Variants in RANBP3L observed in about 807,000 individuals in gnomAD.
The protein encoded by RANBP3L is RAN binding protein 3 like.
A neutral mutation model predicts 67.2 loss-of-function variants in RANBP3L; 56 were observed. The ratio of observed to expected loss-of-function variants is 0.83; its 90% CI spans 0.67 to 1.04. The LOEUF is 1.04. RANBP3L is among the 50% of genes least tolerant of loss of function. RANBP3L has a pLI of 0.00. For synonymous variants in RANBP3L, 164 were observed against 181.4 expected, an observed-to-expected ratio of 0.90 and a Z score of 0.77; for missense variants, 496 against 535.5, an observed-to-expected ratio of 0.93 and a Z score of 0.73.
intron 1 of RANBP3L, among the ~76,000 whole-genome samples, chr5:36,279,094 G>A (rs977603580): frequency 6.6e-6 from 1 of 152,096 alleles, no homozygotes; most frequent in Admixed American, 6.6e-5. Flanking sequence ...ACAAATCATA[G>A]CAGGGGATCT....
chr5:36,263,044 A>G (rs1204492224), intron 6 of RANBP3L, among the ~76,000 whole-genome samples: 2 of 152,218 alleles, frequency 1.3e-5, no homozygotes, highest in Non-Finnish European at 2.9e-5. Context: ...TGGTTCTACA[A>G]AATCCACCTA....
intron 9 of RANBP3L, 113 bp from the exon 10 acceptor site, chr5:36,257,184 A>T: frequency 1.2e-6 from 1 of 859,948 alleles, no homozygotes; most frequent in Non-Finnish European, 1.7e-6. Context: ...GTAGTAAGTG[A>T]TTCTAAAAAT....
chr5:36,295,904 C>T (rs1021173863), intron 1 of RANBP3L, among the ~76,000 whole-genome samples: 1 of 152,082 alleles, frequency 6.6e-6, no homozygotes, highest in African/African-American at 2.4e-5. Context: ...CCCCATTCCC[C>T]TAACTTCCTA....
At chr5:36,287,838 C>T (rs963212754) in intron 1 of RANBP3L, among the ~76,000 whole-genome samples, 10 of 152,134 alleles carry the variant, frequency 6.6e-5, no homozygotes, top group African/African-American at 2.4e-4. Flanking sequence ...TAAAGTTATA[C>T]TAACATTTTC....
chr5:36,299,364 T>C (rs1489275204), intron 1 of RANBP3L, among the ~76,000 whole-genome samples: 4 of 134,272 alleles, frequency 3.0e-5, no homozygotes, highest in Non-Finnish European at 6.0e-5. Context: ...TGTGTGTGTG[T>C]GTATATATCC....
At chr5:36,297,754 C>T (rs1297519086) in intron 1 of RANBP3L, among the ~76,000 whole-genome samples, 1 of 152,148 alleles carries the variant, frequency 6.6e-6, no homozygotes, top group Non-Finnish European at 1.5e-5. Context: ...GCCTCCTGGA[C>T]TTGTGTTCTG....
At chr5:36,253,308 A>G (rs1433534187) in intron 12 of RANBP3L, among the ~76,000 whole-genome samples, 1 of 152,086 alleles carries the variant, frequency 6.6e-6, no homozygotes, top group East Asian at 1.9e-4. Context: ...ATTAGGCTTC[A>G]AAGTCTGCTA....
chr5:36,249,057 CAA>C lies in RANBP3L; in HGVS notation c.*595_*596del, dbSNP rs2111565664. On this transcript the variant is annotated 3_prime_UTR_variant, in exon 14 of 14. Coordinates refer to ENST00000296604, the MANE Select transcript of RANBP3L (RefSeq NM_145000.5). ...CAACTATTGGATGCTGACCATGAGT[CAA>C]ACATTGACAAGATGCAACAGATACA... 1 of 152,102 alleles carries C rather than the reference CAA, an allele frequency of 6.6e-6. No homozygotes were observed. Among genetic ancestry groups the C allele is most frequent in the African/African-American group, 2.4e-5 (1 of 41,526 alleles). 9.4% of individuals were successfully genotyped at this position (152,102 alleles called of 1,614,324 possible).
chr5:36,255,556 G>T lies in RANBP3L; in HGVS notation c.938C>A (p.Thr313Lys). 6.2e-7 allele frequency: 1 copy of T among 1,610,208 alleles called. No homozygotes were observed. The highest frequency in any genetic ancestry group is 8.5e-7 in the Non-Finnish European group (1 of 1,177,360). The change falls in exon 11 of 14, where the codon ACA becomes AAA. Residue 313 changes from threonine (T) to lysine (K), a missense_variant. Thr to Lys is a moderately conservative substitution (Grantham distance 78). Coordinates refer to ENST00000296604, the MANE Select transcript of RANBP3L (RefSeq NM_145000.5). The part of the protein sequence containing the change: ...NCKLFIFNKT[T>K]QSWIERGRGT... ...TCTGCCCCTTTCAATCCAGGATTGT[G>T]TTGTTTTGTTGAATATGAAAAGCTT...
chr5:36,278,025 A>G (rs1000717377), intron 1 of RANBP3L, among the ~76,000 whole-genome samples: 1 of 152,114 alleles, frequency 6.6e-6, no homozygotes, highest in African/African-American at 2.4e-5. Context: ...AACCGTCCCC[A>G]TGATTCAATA....
chr5:36,250,344 G>T (rs2111580751), intron 13 of RANBP3L, among the ~76,000 whole-genome samples: 1 of 151,920 alleles, frequency 6.6e-6, no homozygotes, highest in African/African-American at 2.4e-5. Context: ...TATTCACTTA[G>T]TTTTCTGAAT....
intron 1 of RANBP3L, among the ~76,000 whole-genome samples, chr5:36,287,802 A>G (rs547069022): frequency 1.2e-3 from 178 of 152,332 alleles, no homozygotes; most frequent in Non-Finnish European, 2.3e-3. Context: ...AAGCAACAAT[A>G]AAATACCACT....
intron 1 of RANBP3L, among the ~76,000 whole-genome samples, chr5:36,283,950 T>C (rs1171433287): frequency 6.6e-6 from 1 of 152,110 alleles, no homozygotes; most frequent in Non-Finnish European, 1.5e-5. Flanking sequence ...TTATCTCTCC[T>C]GTTTGAGTAT....
At chr5:36,276,644 A>G (rs1413224821) in intron 1 of RANBP3L, among the ~76,000 whole-genome samples, 2 of 152,052 alleles carry the variant, frequency 1.3e-5, no homozygotes, top group Non-Finnish European at 2.9e-5. Context: ...GGTGGGTTAT[A>G]AGGTGTCCCT....
chr5:36,296,157 A>G lies in RANBP3L; in HGVS notation c.91+5169T>C, dbSNP rs560047047. On this transcript the variant is annotated intron_variant, in intron 1 of 13. Transcript: ENST00000296604. ...ATTTGTATACCTTATAATGAAATGG[A>G]AATTGAAAGTACAGAGCTTTCCTCA... 3.9e-5 allele frequency among the ~76,000 whole-genome samples: 6 copies of G among 152,256 alleles called. No individual in the cohort carries two copies. In the East Asian group the frequency reaches 9.7e-4, roughly 25 times the overall value.
At chr5:36,264,585 C>T (rs1749621712) in intron 6 of RANBP3L, among the ~76,000 whole-genome samples, 1 of 152,122 alleles carries the variant, frequency 6.6e-6, no homozygotes, top group Non-Finnish European at 1.5e-5. Context: ...AAACTGGCAA[C>T]GATACACTGT....
At chr5:36,290,224 C>CTTTTTTTTTT (rs33974139) in intron 1 of RANBP3L, among the ~76,000 whole-genome samples, 3 of 143,990 alleles carry the variant, frequency 2.1e-5, no homozygotes, top group Non-Finnish European at 4.5e-5. Context: ...TCTGTCTCAC[C>CTTTTTTTTTT]TTTTTTTTTT....
chr5:36,299,330 C>A (rs1004564583), intron 1 of RANBP3L, among the ~76,000 whole-genome samples: 1 of 131,332 alleles, frequency 7.6e-6, no homozygotes. Context: ...TATACACATA[C>A]ATATATGTGT....
chr5:36,269,838 A>G (rs1232756230), intron 3 of RANBP3L, 113 bp downstream of exon 3: 2 of 933,174 alleles, frequency 2.1e-6, no homozygotes, highest in Non-Finnish European at 3.5e-6. Context: ...GCATATTTAA[A>G]AAAAGAAAAA....
Sources: gnomAD v4.1 joint callset for allele counts (sites outside exome capture counted in the v4.1 genomes callset) on GRCh38, gnomAD v4.1.1 for gene constraint, MANE v1.5 for transcripts, NCBI Gene and HGNC (gene_info 2026-07-23, HGNC 2026-07-21) for gene names.